ASTN2: variants seen among roughly 807,000 people sequenced by gnomAD.
ASTN2 encodes astrotactin-2.
In ASTN2, 54 loss-of-function variants were observed where a neutral mutation model predicts 139.8. The observed-to-expected ratio is 0.39, with a 90% CI of 0.31 to 0.48. The LOEUF is 0.48. Among genes scored for constraint, ASTN2 ranks in the 20% least tolerant of loss-of-function variants. The pLI is 0.95. For missense variants in ASTN2, 1,565 were observed against 1,725.1 expected, an observed-to-expected ratio of 0.91 and a Z score of 1.64; for synonymous variants, 756 against 719.5, an observed-to-expected ratio of 1.05 and a Z score of -0.81.
In ASTN2 at chr9:116,425,539, T is replaced by A; in HGVS notation, c.*312A>T. On this transcript the variant is annotated 3_prime_UTR_variant, in exon 23 of 23. Coordinates refer to ENST00000313400, the MANE Select transcript of ASTN2 (RefSeq NM_001365068.1). ...GAAGAAGAGCAAAGGCCGCTTGGTC[T>A]CCACCTGAAAACTTCTGCCTCGGGA... The A allele has an allele frequency of 6.2e-7, 1 of 1,608,612 alleles. No homozygotes were observed. The highest frequency in any genetic ancestry group is 8.5e-7 in the Non-Finnish European group (1 of 1,176,370).
chr9:116,953,112 A>AT (rs901539556), intron 10 of ASTN2, among the ~76,000 whole-genome samples: 5 of 152,298 alleles, frequency 3.3e-5, no homozygotes, highest in Non-Finnish European at 7.4e-5. Flanking sequence ...ACAGTTTGTG[A>AT]TTTTAACTCC....
chr9:116,571,258 CCTGAAATCA>C (rs1417548265), intron 19 of ASTN2, among the ~76,000 whole-genome samples: 1 of 152,168 alleles, frequency 6.6e-6, no homozygotes, highest in Non-Finnish European at 1.5e-5. Flanking sequence ...AAGGGAGCCA[CCTGAAATCA>C]CCTTGTTCTT....
intron 4 of ASTN2, among the ~76,000 whole-genome samples, chr9:117,102,752 C>T (rs1209994900): frequency 6.6e-6 from 1 of 152,112 alleles, no homozygotes; most frequent in Non-Finnish European, 1.5e-5. Context: ...GAACTCCTGA[C>T]CTTAGATGAT....
At chr9:117,155,224 G>A (rs1242978327) in intron 3 of ASTN2, among the ~76,000 whole-genome samples, 1 of 152,008 alleles carries the variant, frequency 6.6e-6, no homozygotes, top group Non-Finnish European at 1.5e-5. Context: ...AACTGGCTCA[G>A]CTAAATATTA....
chr9:117,271,172 T>C (rs1220587125), intron 2 of ASTN2, among the ~76,000 whole-genome samples: 1 of 152,194 alleles, frequency 6.6e-6, no homozygotes, highest in African/African-American at 2.4e-5. Context: ...CAGTTCCACA[T>C]GGCTGGGGAC....
intron 7 of ASTN2, among the ~76,000 whole-genome samples, chr9:117,006,165 AT>A (rs935785191): frequency 1.1e-4 from 17 of 152,084 alleles, no homozygotes; most frequent in African/African-American, 4.1e-4. Flanking sequence ...GCCCCACTTT[AT>A]TTCCCATTTT....
chr9:116,566,113 G>GA (rs1248581766), intron 19 of ASTN2, among the ~76,000 whole-genome samples: 2 of 152,164 alleles, frequency 1.3e-5, no homozygotes, highest in South Asian at 2.1e-4. Context: ...CACTATAAAA[G>GA]AAAAAAACAA....
intron 10 of ASTN2, among the ~76,000 whole-genome samples, chr9:116,931,691 C>A (rs147586406): frequency 6.6e-6 from 1 of 152,264 alleles, no homozygotes; most frequent in Admixed American, 6.5e-5. Context: ...CCATCAAGAG[C>A]ATATATTCTA....
At chr9:117,212,404 G>C (rs1300813209) in intron 3 of ASTN2, among the ~76,000 whole-genome samples, 2 of 151,716 alleles carry the variant, frequency 1.3e-5, no homozygotes, top group Non-Finnish European at 2.9e-5. Flanking sequence ...AAAAGCAAAA[G>C]TAGACAAGAT....
At chr9:117,346,010 CAAAAA>C (rs35773511) in intron 1 of ASTN2, among the ~76,000 whole-genome samples, 3 of 92,334 alleles carry the variant, frequency 3.2e-5, no homozygotes, top group Non-Finnish European at 4.6e-5. Context: ...AACTAAGAGG[CAAAAA>C]AAAAAAAAAA....
intron 11 of ASTN2, among the ~76,000 whole-genome samples, chr9:116,829,842 G>A (rs1459618562): frequency 6.6e-6 from 1 of 152,160 alleles, no homozygotes; most frequent in African/African-American, 2.4e-5. Flanking sequence ...ACAGAAGAAT[G>A]AAACTGGACT....
intron 19 of ASTN2, among the ~76,000 whole-genome samples, chr9:116,505,082 A>G (rs1170605955): frequency 6.6e-6 from 1 of 151,990 alleles, no homozygotes; most frequent in Non-Finnish European, 1.5e-5. Flanking sequence ...ACACACTTTC[A>G]CATCCTCTAA....
At chr9:117,114,177 T>TA (rs1211390939) in intron 4 of ASTN2, among the ~76,000 whole-genome samples, 116 of 85,176 alleles carry the variant, frequency 1.4e-3, no homozygotes, top group East Asian at 4.6e-3. Context: ...TTTTTTTTTT[T>TA]TAAAAAAAAA....
intron 5 of ASTN2, among the ~76,000 whole-genome samples, chr9:117,054,588 T>C (rs1471233438): frequency 6.6e-6 from 1 of 152,062 alleles, no homozygotes; most frequent in Non-Finnish European, 1.5e-5. Flanking sequence ...AGCTGAAGCT[T>C]GTAATGTGTG....
At chr9:117,130,284 G>A (rs1316501523) in intron 4 of ASTN2, among the ~76,000 whole-genome samples, 1 of 152,156 alleles carries the variant, frequency 6.6e-6, no homozygotes, top group Admixed American at 6.5e-5. Context: ...ACTCCAGCCT[G>A]GGTGACAGTA....
intron 2 of ASTN2, among the ~76,000 whole-genome samples, chr9:117,222,786 T>C (rs1310520754): frequency 1.3e-5 from 2 of 152,286 alleles, no homozygotes. Context: ...AACCCTCACT[T>C]AAGGATCTTC....
chr9:117,261,748 G>T (rs1456924075), intron 2 of ASTN2, among the ~76,000 whole-genome samples: 2 of 152,112 alleles, frequency 1.3e-5, no homozygotes, highest in Non-Finnish European at 2.9e-5. Context: ...AAATTGGTTA[G>T]GATTTCATGG....
intron 16 of ASTN2, among the ~76,000 whole-genome samples, chr9:116,665,372 A>G (rs1040629558): frequency 3.3e-5 from 5 of 152,204 alleles, no homozygotes; most frequent in African/African-American, 9.7e-5. Flanking sequence ...CAACTAATTC[A>G]GGTATTAAGA....
intron 1 of ASTN2, among the ~76,000 whole-genome samples, chr9:117,292,327 C>T (rs1011160967): frequency 6.6e-6 from 1 of 152,048 alleles, no homozygotes; most frequent in South Asian, 2.1e-4. Context: ...TATTTTTGTT[C>T]AATGTATCAT....
Sources: gnomAD v4.1 joint callset for allele counts (sites outside exome capture counted in the v4.1 genomes callset) on GRCh38, gnomAD v4.1.1 for gene constraint, MANE v1.5 for transcripts, NCBI Gene and HGNC (gene_info 2026-07-23, HGNC 2026-07-21) for gene names.